HORMAD2: variants seen among roughly 807,000 people sequenced by gnomAD.
The protein encoded by HORMAD2 is HORMA domain containing 2, also known as HORMA domain-containing protein 2.
Under a neutral mutation model 38.8 loss-of-function variants are expected in HORMAD2, and 45 were observed. That is an observed-to-expected ratio of 1.16 (90% CI 0.91 to 1.49). HORMAD2 has a LOEUF of 1.49. Among genes scored for constraint, HORMAD2 ranks in the 40% most tolerant of loss-of-function variants. The probability of loss-of-function intolerance (pLI) is 0.00; values close to 1 mark genes in which losing one functional copy is unlikely to be tolerated. For synonymous variants in HORMAD2, 126 were observed against 122.8 expected (o/e 1.03, Z -0.17); for missense variants, 338 against 367.0 (o/e 0.92, Z 0.65).
At chr22:30,083,076 C>T (rs2068513016) in intron 1 of HORMAD2, among the ~76,000 whole-genome samples, 1 of 152,110 alleles carries the variant, frequency 6.6e-6, no homozygotes, top group Non-Finnish European at 1.5e-5. Flanking sequence ...CAAAACCAGC[C>T]TGGGTAACAT....
intron 10 of HORMAD2, among the ~76,000 whole-genome samples, chr22:30,175,709 C>T (rs1926414504): frequency 6.6e-6 from 1 of 152,096 alleles, no homozygotes; most frequent in Admixed American, 6.6e-5. Flanking sequence ...ATTACATTTG[C>T]CTCTAAAGCA....
chr22:30,201,879 G>A, the HORMAD2 span, among the ~76,000 whole-genome samples: 1 of 152,182 alleles, frequency 6.6e-6, no homozygotes, highest in African/African-American at 2.4e-5. Context: ...GCCACACGGT[G>A]AAGGATCTTG....
chr22:30,105,573 T>C (rs1016051864), intron 5 of HORMAD2, among the ~76,000 whole-genome samples: 2 of 152,242 alleles, frequency 1.3e-5, no homozygotes, highest in Non-Finnish European at 2.9e-5. Context: ...AGCAAATTCA[T>C]ACATTTCTAT....
intron 10 of HORMAD2, among the ~76,000 whole-genome samples, chr22:30,154,044 G>A (rs1924920009): frequency 6.6e-6 from 1 of 152,000 alleles, no homozygotes; most frequent in South Asian, 2.1e-4. Flanking sequence ...TGGCTTTTAA[G>A]GCCATACCTG....
chr22:30,129,387 TAG>T (rs1923124448), intron 10 of HORMAD2, among the ~76,000 whole-genome samples: 2 of 152,082 alleles, frequency 1.3e-5, no homozygotes, highest in South Asian at 4.1e-4. Context: ...AAGGTAATAC[TAG>T]AGAGTATATG....
At chr22:30,081,873 C>T (rs937342877) in intron 1 of HORMAD2, among the ~76,000 whole-genome samples, 2 of 152,176 alleles carry the variant, frequency 1.3e-5, no homozygotes, top group African/African-American at 4.8e-5. Context: ...GTGTGAGCCA[C>T]TGCACCTGGC....
chr22:30,087,545 A>G (rs2068591784), intron 1 of HORMAD2, among the ~76,000 whole-genome samples: 1 of 152,128 alleles, frequency 6.6e-6, no homozygotes, highest in Non-Finnish European at 1.5e-5. Flanking sequence ...AATTTCTGAG[A>G]CTGGGTAATT....
At chr22:30,178,242 C>A (rs769347212), downstream of HORMAD2, among the ~76,000 whole-genome samples, 4 of 152,202 alleles carry the variant, frequency 2.6e-5, no homozygotes, top group South Asian at 6.2e-4. Flanking sequence ...GCTGACAGAT[C>A]CTTTAAGTCA....
chr22:30,087,971 C>G (rs527843599), intron 1 of HORMAD2, among the ~76,000 whole-genome samples: 3 of 151,710 alleles, frequency 2.0e-5, no homozygotes, highest in Admixed American at 2.0e-4. Context: ...TTCTCTCTCT[C>G]TCTCTATATA....
At chr22:30,127,340 C>T (rs917467452) in intron 10 of HORMAD2, among the ~76,000 whole-genome samples, 1 of 151,284 alleles carries the variant, frequency 6.6e-6, no homozygotes, top group African/African-American at 2.4e-5. Flanking sequence ...TCCTGAGTAG[C>T]TGGGATTACA....
At chr22:30,115,508 T>C (rs993796692) in intron 7 of HORMAD2, among the ~76,000 whole-genome samples, 1 of 152,158 alleles carries the variant, frequency 6.6e-6, no homozygotes, top group Non-Finnish European at 1.5e-5. Context: ...AAAAAAATCG[T>C]TGTAGGATGA....
chr22:30,111,178 G>C (rs1921621047), intron 5 of HORMAD2, among the ~76,000 whole-genome samples: 1 of 147,298 alleles, frequency 6.8e-6, no homozygotes, highest in African/African-American at 2.5e-5. Flanking sequence ...AAGAAAGAAA[G>C]AAAGAAAGAA....
rs1193493661 is a variant in HORMAD2, at chr22:30,176,289, A to AT, written c.*130dup. The AT allele has an allele frequency of 3.8e-5, 27 of 709,546 alleles. No homozygotes were observed. Among genetic ancestry groups the AT allele is most frequent in the East Asian group, 1.7e-4 (6 of 36,124 alleles). 44.0% of individuals were successfully genotyped at this position (709,546 alleles called of 1,614,324 possible). The stretch of plus-strand genomic sequence containing the variant: ...AACCTTTTTCTAAATTTTTTGCTCA[A>AT]TTTTTTTTGTCAGTTGCTAAGTGCT... On this transcript the variant is annotated 3_prime_UTR_variant, in exon 11 of 11. Transcript: ENST00000336726.
chr22:30,156,446 CCAG>C (rs2146207450), intron 10 of HORMAD2, among the ~76,000 whole-genome samples: 1 of 152,192 alleles, frequency 6.6e-6, no homozygotes, highest in East Asian at 1.9e-4. Flanking sequence ...AACAAAACAA[CCAG>C]ATAAAAAAAG....
intron 10 of HORMAD2, among the ~76,000 whole-genome samples, chr22:30,134,168 G>A (rs1335756163): frequency 1.3e-5 from 2 of 152,002 alleles, no homozygotes; most frequent in African/African-American, 4.8e-5. Context: ...CGAGGCCAAG[G>A]CGGGTGATCA....
chr22:30,193,844 G>T, the HORMAD2 span, among the ~76,000 whole-genome samples: 1 of 152,166 alleles, frequency 6.6e-6, no homozygotes, highest in African/African-American at 2.4e-5. Flanking sequence ...GCTAACAAAA[G>T]ATCTTCTGTG....
intron 10 of HORMAD2, among the ~76,000 whole-genome samples, chr22:30,163,520 G>A (rs1036158477): frequency 6.6e-6 from 1 of 152,102 alleles, no homozygotes; most frequent in African/African-American, 2.4e-5. Flanking sequence ...TGCCTCCTGG[G>A]CACAAGCAAT....
At chr22:30,092,471 T>C (rs969608917) in intron 1 of HORMAD2, among the ~76,000 whole-genome samples, 1 of 152,082 alleles carries the variant, frequency 6.6e-6, no homozygotes, top group Non-Finnish European at 1.5e-5. Flanking sequence ...TTCACTCTGT[T>C]GGTTATTTAC....
At chr22:30,132,634 C>G (rs1290253187) in intron 10 of HORMAD2, among the ~76,000 whole-genome samples, 2 of 151,644 alleles carry the variant, frequency 1.3e-5, no homozygotes, top group Non-Finnish European at 2.9e-5. Flanking sequence ...TTCCTTTTGT[C>G]AAACAGAAAA....
Sources: gnomAD v4.1 joint callset for allele counts (sites outside exome capture counted in the v4.1 genomes callset) on GRCh38, gnomAD v4.1.1 for gene constraint, MANE v1.5 for transcripts, NCBI Gene and HGNC (gene_info 2026-07-23, HGNC 2026-07-21) for gene names.